The following CSNK1G1 variants were observed in gnomAD, a reference collection of about 807,000 sequenced individuals.
CSNK1G1 encodes casein kinase I isoform gamma-1.
A neutral mutation model predicts 59.6 loss-of-function variants in CSNK1G1; 22 were observed. The ratio of observed to expected loss-of-function variants is 0.37; its 90% CI spans 0.26 to 0.53. The LOEUF (loss-of-function observed/expected upper bound fraction) is 0.53. Ranked by LOEUF, CSNK1G1 falls within the 20% of genes least tolerant of loss-of-function variation. The pLI, the probability that CSNK1G1 is intolerant of heterozygous loss-of-function variation, is 0.89. For synonymous variants in CSNK1G1, 179 were observed against 177.1 expected, an observed-to-expected ratio of 1.01 and a Z score of -0.08; for missense variants, 384 against 519.5, an observed-to-expected ratio of 0.74 and a Z score of 2.54.
chr15:64,321,902 G>A (rs533626743), intron 1 of CSNK1G1, among the ~76,000 whole-genome samples: 18 of 152,262 alleles, frequency 1.2e-4, no homozygotes, highest in East Asian at 5.8e-4. Flanking sequence ...TATAGTTCCC[G>A]CTAAGCTACT....
At chr15:64,229,528 TTCTCTCTCTC>T (rs34099287) in intron 4 of CSNK1G1, among the ~76,000 whole-genome samples, 4 of 144,244 alleles carry the variant, frequency 2.8e-5, no homozygotes, top group South Asian at 2.2e-4. Context: ...CTCTCTCTCT[TTCTCTCTCTC>T]TCTCTCTCTC....
At chr15:64,196,289 C>T (rs2082037661) in intron 10 of CSNK1G1, among the ~76,000 whole-genome samples, 1 of 152,060 alleles carries the variant, frequency 6.6e-6, no homozygotes, top group African/African-American at 2.4e-5. Flanking sequence ...AGTTTAAATG[C>T]AGTCCTTTAG....
intron 1 of CSNK1G1, among the ~76,000 whole-genome samples, chr15:64,325,573 A>G (rs748974015): frequency 1.3e-5 from 2 of 152,216 alleles, no homozygotes; most frequent in Non-Finnish European, 2.9e-5. Context: ...AAGTAGATTC[A>G]CAACTACTTT....
At chr15:64,186,504 T>A (rs1215995015) in intron 10 of CSNK1G1, among the ~76,000 whole-genome samples, 1 of 152,148 alleles carries the variant, frequency 6.6e-6, no homozygotes, top group Non-Finnish European at 1.5e-5. Context: ...TTTTTTGTTT[T>A]GTTTTGTTTT....
chr15:64,189,130 AAAT>A (rs529492284), intron 10 of CSNK1G1, among the ~76,000 whole-genome samples: 2,079 of 152,232 alleles, frequency 0.014, 12 homozygotes, highest in Non-Finnish European at 0.02. Flanking sequence ...CATCTCGAAA[AAAT>A]AATAATAATA....
chr15:64,204,681 T>C (rs980860327), intron 8 of CSNK1G1, 92 bp from the exon 9 acceptor site: 21 of 1,370,416 alleles, frequency 1.5e-5, no homozygotes, highest in Non-Finnish European at 2.0e-5. Flanking sequence ...GGGTTATTTA[T>C]ACAGACAATT....
chr15:64,196,993 TTCATTCATTCAC>T (rs1386542827), intron 10 of CSNK1G1, among the ~76,000 whole-genome samples: 14 of 152,254 alleles, frequency 9.2e-5, no homozygotes, highest in Non-Finnish European at 2.1e-4. Flanking sequence ...ATTTGGCAGA[TTCATTCATTCAC>T]TCATTCATTC....
chr15:64,349,291 G>A (rs929412460), intron 1 of CSNK1G1, among the ~76,000 whole-genome samples: 1 of 152,108 alleles, frequency 6.6e-6, no homozygotes, highest in Non-Finnish European at 1.5e-5. Flanking sequence ...GCAAATTTAT[G>A]TAGCATTTTG....
At chr15:64,325,100 T>C (rs1357724060) in intron 1 of CSNK1G1, among the ~76,000 whole-genome samples, 4 of 152,202 alleles carry the variant, frequency 2.6e-5, no homozygotes, top group Admixed American at 1.3e-4. Context: ...AATTCTTTTG[T>C]TGTTTTCAGT....
In CSNK1G1 at chr15:64,216,126, G is replaced by A. The variant is rs1219526506; in HGVS notation, c.444+436C>T. On this transcript the variant is annotated intron_variant, in intron 5 of 11. Coordinates refer to ENST00000303052, the MANE Select transcript of CSNK1G1 (RefSeq NM_022048.5). The surrounding 1 kb of genome is among the most constrained non-coding windows in gnomAD (Gnocchi z 4.6). ...TGCAGTCCTAGCTGCTGGAGAGGCT[G>A]AGGCAGGAGAATCACTTGAGCCTAG... Among the ~76,000 whole-genome samples the A allele has an allele frequency of 1.3e-5, 2 of 151,978 alleles. No individual in the cohort carries two copies. The highest frequency in any genetic ancestry group is 3.9e-4 in the East Asian group (2 of 5,182).
intron 4 of CSNK1G1, among the ~76,000 whole-genome samples, chr15:64,227,739 A>G (rs1006530346): frequency 6.6e-6 from 1 of 152,214 alleles, no homozygotes; most frequent in Admixed American, 6.5e-5. Flanking sequence ...GGGAAGTACT[A>G]AAGACCCCAT....
intron 1 of CSNK1G1, among the ~76,000 whole-genome samples, chr15:64,335,122 A>G (rs144014087): frequency 1.5e-3 from 233 of 152,328 alleles, no homozygotes; most frequent in Non-Finnish European, 2.8e-3. Flanking sequence ...TTCAGAACAC[A>G]TCCTGTGTGA....
Position 64,300,384 on chromosome 15 carries a change from A to G in CSNK1G1, c.116T>C (p.Met39Thr). Residue 39 changes from methionine to threonine, a missense_variant, in exon 2 of 12, where the codon ATG (methionine) becomes ACG (threonine). Transcript: ENST00000303052. ...SGSSSSSGVL[M>T]VGPNFRVGKK... is the part of the protein sequence containing the mutation. ...GCCAACCCTGAAGTTGGGTCCCACCATAAGAACCCCAGAGGACGATGAGGA... is the reference window on the plus strand; with the variant it reads ...GCCAACCCTGAAGTTGGGTCCCACCGTAAGAACCCCAGAGGACGATGAGGA... The G allele has an allele frequency of 6.2e-7, 1 of 1,614,188 alleles. No individual in the cohort carries two copies. The highest frequency in any genetic ancestry group is 1.3e-5 in the African/African-American group (1 of 75,044).
chr15:64,344,229 G>C (rs1420442969), intron 1 of CSNK1G1, among the ~76,000 whole-genome samples: 1 of 152,144 alleles, frequency 6.6e-6, no homozygotes, highest in Non-Finnish European at 1.5e-5. Context: ...CTGAAACTCT[G>C]AATAGTTCTA....
Position 64,171,844 on chromosome 15 carries a change from G to A in CSNK1G1, c.*87C>T. The A allele has an allele frequency of 8.6e-7, 1 of 1,156,696 alleles. No individual in the cohort carries two copies. Among genetic ancestry groups the A allele is most frequent in the Non-Finnish European group, 1.3e-6 (1 of 764,540 alleles). The allele number at this position is 1,156,696 out of a possible 1,614,324, so 71.7% of individuals were successfully genotyped here. On this transcript the variant is annotated 3_prime_UTR_variant, in exon 12 of 12. Coordinates refer to ENST00000303052, the MANE Select transcript of CSNK1G1 (RefSeq NM_022048.5). This position sits in a 1 kb window ranked among gnomAD's most constrained non-coding sequence, Gnocchi z 4.8. ...TTGGATATCCACCCTCCCCCAAAGAGGAGTCCCTTCCAATGAGAAATGGCA... is the reference window on the plus strand; with the variant it reads ...TTGGATATCCACCCTCCCCCAAAGAAGAGTCCCTTCCAATGAGAAATGGCA...
At chr15:64,193,820 A>G (rs1596073704) in intron 10 of CSNK1G1, 2 of 152,304 alleles carry the variant, frequency 1.3e-5, no homozygotes, top group Non-Finnish European at 2.9e-5. Context: ...ATGGTGTAAG[A>G]TACCTCCCTA....
At position 64,171,866 on chromosome 15, in the gene CSNK1G1, G is replaced by C. The variant is rs868515296; in HGVS notation, c.*65C>G. On this transcript the variant is annotated 3_prime_UTR_variant, in exon 12 of 12. Coordinates refer to ENST00000303052, the MANE Select transcript of CSNK1G1 (RefSeq NM_022048.5). The surrounding 1 kb of genome is among the most constrained non-coding windows in gnomAD (Gnocchi z 4.8). ...AGAGGAGTCCCTTCCAATGAGAAAT[G>C]GCAGGAGCTGCAGGTACAATTGAGT... 2.3e-6 allele frequency: 3 copies of C among 1,329,234 alleles called. No individual in the cohort carries two copies. The highest frequency in any genetic ancestry group is 3.7e-4 in the Middle Eastern group (2 of 5,356). The allele number at this position is 1,329,234 out of a possible 1,614,324, so 82.3% of individuals were successfully genotyped here. A position where few individuals can be genotyped will look rare whatever the true frequency, so the allele number is the denominator to read the frequency against.
chr15:64,320,209 G>A (rs900146567), intron 1 of CSNK1G1, among the ~76,000 whole-genome samples: 3 of 151,706 alleles, frequency 2.0e-5, no homozygotes, highest in African/African-American at 7.3e-5. Context: ...TTATTCTCTA[G>A]ATAATTCCAC....
intron 10 of CSNK1G1, among the ~76,000 whole-genome samples, chr15:64,192,318 A>C (rs1187253623): frequency 6.6e-6 from 1 of 152,242 alleles, no homozygotes; most frequent in Non-Finnish European, 1.5e-5. Flanking sequence ...AGGAATCTCA[A>C]GTAGTGGTAA....
Sources: gnomAD v4.1 joint callset for allele counts (sites outside exome capture counted in the v4.1 genomes callset) on GRCh38, gnomAD v4.1.1 for gene constraint, Gnocchi (gnomAD v3.1) non-coding constraint, MANE v1.5 for transcripts, NCBI Gene and HGNC (gene_info 2026-07-23, HGNC 2026-07-21) for gene names.